Variants in ZNF365 observed in about 807,000 individuals in gnomAD.
The protein encoded by ZNF365 is zinc finger protein 365, also known as protein ZNF365.
Under a neutral mutation model 35.0 loss-of-function variants are expected in ZNF365, and 22 were observed. The observed-to-expected ratio is 0.63, with a 90% CI of 0.45 to 0.90. ZNF365 has a LOEUF of 0.90. Ranked by LOEUF, ZNF365 falls within the 40% of genes least tolerant of loss-of-function variation. ZNF365 has a pLI of 0.00. For synonymous variants in ZNF365, 188 were observed against 196.2 expected (o/e 0.96, Z 0.35); for missense variants, 448 against 500.3 (o/e 0.90, Z 1.00).
At chr10:62,417,316 T>C (rs565954532) in intron 3 of ZNF365, among the ~76,000 whole-genome samples, 484 of 152,180 alleles carry the variant, frequency 3.2e-3, no homozygotes, top group Middle Eastern at 6.8e-3. Flanking sequence ...CTAGCAGTCA[T>C]TTTTTAAAAT....
intron 3 of ZNF365, among the ~76,000 whole-genome samples, chr10:62,425,247 A>C (rs1220593961): frequency 6.6e-6 from 1 of 152,186 alleles, no homozygotes; most frequent in African/African-American, 2.4e-5. Context: ...CAGAGTCTAG[A>C]AGCCATTAAG....
At chr10:62,433,315 G>A (rs970748283) in intron 3 of ZNF365, among the ~76,000 whole-genome samples, 4 of 152,030 alleles carry the variant, frequency 2.6e-5, no homozygotes, top group East Asian at 1.9e-4. Flanking sequence ...CCATCGAGGC[G>A]GGCTGAGTCA....
At chr10:62,387,305 G>A (rs904299986) in intron 2 of ZNF365, among the ~76,000 whole-genome samples, 12 of 152,134 alleles carry the variant, frequency 7.9e-5, no homozygotes, top group South Asian at 4.1e-4. Context: ...ATGTGTGCTT[G>A]GGTGGGTGTG....
chr10:62,407,355 A>G (rs566634744), downstream of ZNF365, among the ~76,000 whole-genome samples: 4 of 152,270 alleles, frequency 2.6e-5, no homozygotes, highest in South Asian at 4.1e-4. Flanking sequence ...ACTACAAAAC[A>G]TTAAGCTTTT....
chr10:62,459,743 C>G (rs774031244), exon 4 of ZNF365: 2 of 1,609,438 alleles, frequency 1.2e-6, no homozygotes, highest in Non-Finnish European at 1.7e-6. Context: ...CCTTTCAGAG[C>G]TGGAAAGGTG....
chr10:62,467,332 G>T (rs1840960634), intron 4 of ZNF365, among the ~76,000 whole-genome samples: 1 of 152,094 alleles, frequency 6.6e-6, no homozygotes, highest in Admixed American at 6.5e-5. Context: ...ACAGTTTATA[G>T]ATAATTTGGA....
chr10:62,444,359 C>A (rs935956647), intron 3 of ZNF365, among the ~76,000 whole-genome samples: 6 of 152,126 alleles, frequency 3.9e-5, no homozygotes, highest in Admixed American at 3.9e-4. Context: ...AACTTCTGAG[C>A]CCTCTGCTTC....
At chr10:62,475,137 T>G (rs985992437) in intron 4 of ZNF365, among the ~76,000 whole-genome samples, 2 of 152,234 alleles carry the variant, frequency 1.3e-5, no homozygotes, top group Non-Finnish European at 2.9e-5. Flanking sequence ...GTCAGCTCCT[T>G]TCCCCTATTT....
At chr10:62,398,153 T>C (rs1280446911) in intron 3 of ZNF365, among the ~76,000 whole-genome samples, 1 of 152,180 alleles carries the variant, frequency 6.6e-6, no homozygotes, top group Non-Finnish European at 1.5e-5. Context: ...CACACACATG[T>C]TTATAGCAGC....
chr10:62,454,510 A>G (rs553572669), intron 3 of ZNF365, among the ~76,000 whole-genome samples: 2 of 152,350 alleles, frequency 1.3e-5, no homozygotes, highest in African/African-American at 4.8e-5. Flanking sequence ...AAAATGCTAG[A>G]CAAATTTACG....
intron 3 of ZNF365, among the ~76,000 whole-genome samples, chr10:62,438,520 C>T (rs1375713530): frequency 6.6e-6 from 1 of 151,730 alleles, no homozygotes; most frequent in Non-Finnish European, 1.5e-5. Context: ...GGAAAGACTA[C>T]AAAAACCAGG....
intron 4 of ZNF365, among the ~76,000 whole-genome samples, chr10:62,470,371 T>A (rs1020796665): frequency 6.6e-6 from 1 of 152,206 alleles, no homozygotes; most frequent in African/African-American, 2.4e-5. Flanking sequence ...CCAGGGCTGT[T>A]AACCCTTTGA....
intron 3 of ZNF365, among the ~76,000 whole-genome samples, chr10:62,448,184 T>C (rs1394652694): frequency 6.6e-6 from 1 of 152,244 alleles, no homozygotes; most frequent in East Asian, 1.9e-4. Flanking sequence ...TCAGTATTTG[T>C]TTACAGTGGG....
intron 4 of ZNF365, among the ~76,000 whole-genome samples, chr10:62,465,929 A>G (rs1195267429): frequency 2.0e-5 from 3 of 152,156 alleles, no homozygotes; most frequent in Non-Finnish European, 4.4e-5. Context: ...TTGTAACACT[A>G]CAGCCCTCCC....
At chr10:62,392,011 G>C (rs1839639282) in intron 3 of ZNF365, among the ~76,000 whole-genome samples, 1 of 152,164 alleles carries the variant, frequency 6.6e-6, no homozygotes, top group Non-Finnish European at 1.5e-5. Flanking sequence ...GTAATGTCGA[G>C]CATTTTTTCA....
chr10:62,431,217 C>A (rs1345226059), intron 3 of ZNF365, among the ~76,000 whole-genome samples: 1 of 152,150 alleles, frequency 6.6e-6, no homozygotes, highest in African/African-American at 2.4e-5. Flanking sequence ...GTGGCTTTCT[C>A]CCCCCTGCTC....
At chr10:62,389,651 G>C (rs1839592068) in intron 3 of ZNF365, among the ~76,000 whole-genome samples, 2 of 152,158 alleles carry the variant, frequency 1.3e-5, no homozygotes, top group African/African-American at 4.8e-5. Flanking sequence ...TGAAAGGCAG[G>C]TGGATAAAAG....
At chr10:62,446,782 G>A (rs1247566646) in intron 3 of ZNF365, among the ~76,000 whole-genome samples, 2 of 152,134 alleles carry the variant, frequency 1.3e-5, no homozygotes, top group Non-Finnish European at 2.9e-5. Context: ...CGGCTGGCTG[G>A]TCCTGAAACT....
intron 4 of ZNF365, among the ~76,000 whole-genome samples, chr10:62,475,517 A>G (rs1201106305): frequency 3.9e-5 from 6 of 152,248 alleles, no homozygotes; most frequent in African/African-American, 1.2e-4. Flanking sequence ...AAAGAAAACC[A>G]TACCATCTCA....
Sources: allele counts gnomAD v4.1 joint callset (sites outside exome capture counted in the v4.1 genomes callset), GRCh38; gene constraint gnomAD v4.1.1; transcripts MANE v1.5; gene names NCBI Gene and HGNC (gene_info 2026-07-23, HGNC 2026-07-21).